GLG1: variants seen among roughly 807,000 people sequenced by gnomAD.
GLG1 encodes the protein golgi glycoprotein 1.
GLG1 carries 38 observed loss-of-function variants against 160.5 expected under a neutral mutation model. The ratio of observed to expected loss-of-function variants is 0.24; its 90% CI spans 0.18 to 0.31. GLG1 has a LOEUF of 0.31. Ranked by LOEUF, GLG1 falls within the 10% of genes least tolerant of loss-of-function variation. The probability of loss-of-function intolerance (pLI) is 1.00; values close to 1 mark genes in which losing one functional copy is unlikely to be tolerated. For missense variants in GLG1, 1,373 were observed against 1,505.2 expected, an observed-to-expected ratio of 0.91 and a Z score of 1.45; for synonymous variants, 644 against 543.4, an observed-to-expected ratio of 1.19 and a Z score of -2.57.
chr16:74,481,874 T>C (rs1223444963), intron 10 of GLG1, among the ~76,000 whole-genome samples: 2 of 151,992 alleles, frequency 1.3e-5, no homozygotes, highest in Non-Finnish European at 2.9e-5. Context: ...AACCTCCGCC[T>C]CCCGGGTTTT....
chr16:74,589,267 A>C (rs1421535892), intron 1 of GLG1, among the ~76,000 whole-genome samples: 1 of 152,098 alleles, frequency 6.6e-6, no homozygotes, highest in African/African-American at 2.4e-5. Flanking sequence ...AAAAAAAAAA[A>C]AAGAACAATT....
At chr16:74,486,155 C>T (rs898773436) in intron 8 of GLG1, among the ~76,000 whole-genome samples, 1 of 152,180 alleles carries the variant, frequency 6.6e-6, no homozygotes, top group Non-Finnish European at 1.5e-5. Flanking sequence ...TATCTTTGTT[C>T]TCAGTAATCC....
At chr16:74,486,655 A>G (rs913730822) in intron 8 of GLG1, among the ~76,000 whole-genome samples, 2 of 152,180 alleles carry the variant, frequency 1.3e-5, no homozygotes, top group African/African-American at 4.8e-5. Context: ...TCCTGCCTTT[A>G]AGGCACTTGG....
At chr16:74,520,555 G>A (rs181664068) in intron 2 of GLG1, among the ~76,000 whole-genome samples, 23 of 152,286 alleles carry the variant, frequency 1.5e-4, no homozygotes, top group Admixed American at 1.4e-3. Flanking sequence ...AGAATCGCTT[G>A]AACCCAGGGG....
intron 1 of GLG1, among the ~76,000 whole-genome samples, chr16:74,540,813 T>G: frequency 6.6e-6 from 1 of 152,120 alleles, no homozygotes; most frequent in Non-Finnish European, 1.5e-5. Flanking sequence ...TGGACAGGTT[T>G]ATCCCTTTGG....
chr16:74,512,245 G>A (rs1378249718), intron 2 of GLG1, among the ~76,000 whole-genome samples: 8 of 133,214 alleles, frequency 6.0e-5, no homozygotes, highest in Admixed American at 1.7e-4. Flanking sequence ...TGAAGCCTCC[G>A]CCTGGGTGAC....
intron 10 of GLG1, among the ~76,000 whole-genome samples, chr16:74,480,944 CA>C (rs1298322621): frequency 6.6e-6 from 1 of 152,160 alleles, no homozygotes; most frequent in African/African-American, 2.4e-5. Context: ...TAACCTTCTA[CA>C]GAAGATTTAA....
At chr16:74,514,414 G>A (rs1397502415) in intron 2 of GLG1, among the ~76,000 whole-genome samples, 2 of 152,176 alleles carry the variant, frequency 1.3e-5, no homozygotes, top group South Asian at 4.1e-4. Context: ...CCCACAAAGG[G>A]AAGCCCAACA....
chr16:74,546,265 C>T (rs2018043109), intron 1 of GLG1, among the ~76,000 whole-genome samples: 1 of 152,082 alleles, frequency 6.6e-6, no homozygotes, highest in South Asian at 2.1e-4. Context: ...ATGGCGAAAC[C>T]CTGTCTCTAC....
At chr16:74,597,576 G>A (rs562047106) in intron 1 of GLG1, among the ~76,000 whole-genome samples, 143 of 148,530 alleles carry the variant, frequency 9.6e-4, no homozygotes, top group Admixed American at 3.1e-3. Flanking sequence ...AAAATTAGCC[G>A]GGCGCAGTGG....
At chr16:74,468,667 CCT>C in intron 17 of GLG1, 1 of 386,682 alleles carries the variant, frequency 2.6e-6, no homozygotes. Context: ...GCACCCAGCC[CCT>C]GAGGACATTA....
chr16:74,536,283 G>A (rs1360243147), intron 1 of GLG1, among the ~76,000 whole-genome samples: 1 of 152,120 alleles, frequency 6.6e-6, no homozygotes, highest in Non-Finnish European at 1.5e-5. Context: ...AAGATGAATA[G>A]CATGAGGAAT....
At chr16:74,533,927 G>T (rs1338372125) in intron 1 of GLG1, among the ~76,000 whole-genome samples, 1 of 152,128 alleles carries the variant, frequency 6.6e-6, no homozygotes, top group Non-Finnish European at 1.5e-5. Context: ...TCTATCCAAG[G>T]ATAAAGAAAA....
chr16:74,606,784 G>C lies in GLG1; in HGVS notation c.311C>G (p.Ala104Gly). 1.2e-6 allele frequency: 2 copies of C among 1,604,360 alleles called. No homozygotes were observed. The highest frequency in any genetic ancestry group is 1.7e-6 in the Non-Finnish European group (2 of 1,175,558). Reference protein sequence around the residue: ...AGGPPARRGGAGAGGGWKLAE... With the variant: ...AGGPPARRGGGGAGGGWKLAE... Reference sequence around the variant, plus strand: ...CAGCTTCCAGCCCCCACCAGCCCCCGCTCCTCCCCGCCGGGCCGGAGGCCC... The same window carrying C: ...CAGCTTCCAGCCCCCACCAGCCCCCCCTCCTCCCCGCCGGGCCGGAGGCCC... The change falls in exon 1 of 26, where the codon GCG becomes GGG. Residue 104 changes from alanine to glycine, a missense_variant. Around this residue, in one of 4 missense-constraint regions of GLG1, gnomAD observed 322 missense variants for 254.6 expected, o/e 1.26. Transcript: ENST00000422840.
intron 1 of GLG1, among the ~76,000 whole-genome samples, chr16:74,579,051 A>G (rs1957875859): frequency 6.6e-6 from 1 of 152,184 alleles, no homozygotes. Flanking sequence ...CTGAGTTGCA[A>G]TAACGTACAC....
chr16:74,457,781 C>A (rs2014616830), intron 24 of GLG1, 93 bp downstream of exon 24: 1 of 1,228,592 alleles, frequency 8.1e-7, no homozygotes, highest in Non-Finnish European at 1.2e-6. Flanking sequence ...ACAGACCATA[C>A]AGACCACAGT....
At chr16:74,530,321 G>C (rs1182894124) in intron 2 of GLG1, among the ~76,000 whole-genome samples, 1 of 152,120 alleles carries the variant, frequency 6.6e-6, no homozygotes, top group Non-Finnish European at 1.5e-5. Context: ...TGCATTTTAG[G>C]TTGACTGTTT....
chr16:74,568,619 T>C (rs1299133148), intron 1 of GLG1, among the ~76,000 whole-genome samples: 3 of 152,104 alleles, frequency 2.0e-5, no homozygotes, highest in Non-Finnish European at 4.4e-5. Flanking sequence ...GGTTTCACCA[T>C]GTTGGCCAGG....
At chr16:74,585,640 A>G (rs1958030342) in intron 1 of GLG1, among the ~76,000 whole-genome samples, 2 of 149,304 alleles carry the variant, frequency 1.3e-5, no homozygotes, top group South Asian at 2.2e-4. Context: ...CTCAGGAGGC[A>G]GAGCTTGCAG....
Sources: gnomAD v4.1 joint callset for allele counts (sites outside exome capture counted in the v4.1 genomes callset) on GRCh38, gnomAD v4.1.1 for gene constraint, gnomAD v4.1.1 regional missense constraint, MANE v1.5 for transcripts, NCBI Gene and HGNC (gene_info 2026-07-23, HGNC 2026-07-21) for gene names.